SUGCT: variants seen among roughly 807,000 people sequenced by gnomAD.
SUGCT encodes the protein succinyl-CoA:glutarate-CoA transferase.
A neutral mutation model predicts 55.0 loss-of-function variants in SUGCT; 41 were observed. The ratio of observed to expected loss-of-function variants is 0.74; its 90% CI spans 0.58 to 0.97. SUGCT has a LOEUF of 0.97. Among genes scored for constraint, SUGCT ranks in the 50% least tolerant of loss-of-function variants. The pLI is 0.00. For missense variants in SUGCT, 568 were observed against 547.8 expected, an observed-to-expected ratio of 1.04 and a Z score of -0.37; for synonymous variants, 187 against 200.4, an observed-to-expected ratio of 0.93 and a Z score of 0.56.
chr7:40,366,985 A>G (rs1311041995), intron 9 of SUGCT, among the ~76,000 whole-genome samples: 1 of 152,210 alleles, frequency 6.6e-6, no homozygotes, highest in Admixed American at 6.5e-5. Flanking sequence ...TTGCGGCACT[A>G]TTCACAGTAG....
chr7:40,627,733 G>A (rs748277933), intron 12 of SUGCT, among the ~76,000 whole-genome samples: 12 of 152,158 alleles, frequency 7.9e-5, no homozygotes, highest in Non-Finnish European at 1.8e-4. Flanking sequence ...TTGTTACTTA[G>A]GCATGGAAAG....
chr7:40,998,140 G>A, the SUGCT span, among the ~76,000 whole-genome samples: 1 of 152,160 alleles, frequency 6.6e-6, no homozygotes, highest in African/African-American at 2.4e-5. Context: ...ACTGAGGTGG[G>A]CAGAACACCT....
chr7:40,744,300 A>G (rs967074579), intron 12 of SUGCT, among the ~76,000 whole-genome samples: 1 of 152,038 alleles, frequency 6.6e-6, no homozygotes, highest in Non-Finnish European at 1.5e-5. Context: ...CATCCCCTTC[A>G]AATACTTCCA....
the SUGCT span, among the ~76,000 whole-genome samples, chr7:40,885,378 G>GT: frequency 3.3e-5 from 5 of 152,016 alleles, no homozygotes; most frequent in South Asian, 2.1e-4. Context: ...TTTACAAATG[G>GT]AAAAAATAAA....
chr7:40,685,774 A>G (rs1196824704), intron 12 of SUGCT, among the ~76,000 whole-genome samples: 1 of 152,150 alleles, frequency 6.6e-6, no homozygotes, highest in East Asian at 1.9e-4. Flanking sequence ...CGCATGGCGC[A>G]TGCCTGTAAT....
chr7:40,685,328 C>T (rs373248236), intron 12 of SUGCT, among the ~76,000 whole-genome samples: 1 of 152,130 alleles, frequency 6.6e-6, no homozygotes, highest in African/African-American at 2.4e-5. Flanking sequence ...TAAAGATATT[C>T]CTCTTGGAGC....
chr7:40,723,908 T>C (rs1786477399), intron 12 of SUGCT, among the ~76,000 whole-genome samples: 1 of 152,228 alleles, frequency 6.6e-6, no homozygotes, highest in African/African-American at 2.4e-5. Flanking sequence ...TGGAAACTGC[T>C]GGTTGAATCA....
chr7:40,977,336 C>A, the SUGCT span, among the ~76,000 whole-genome samples: 5 of 152,226 alleles, frequency 3.3e-5, no homozygotes, highest in Non-Finnish European at 5.9e-5. Flanking sequence ...GTTGAAGGGA[C>A]AGGACAGAGC....
intron 13 of SUGCT, among the ~76,000 whole-genome samples, chr7:40,823,729 A>C (rs1792153076): frequency 6.6e-6 from 1 of 152,144 alleles, no homozygotes; most frequent in African/African-American, 2.4e-5. Flanking sequence ...GAAAAAAAGT[A>C]TTTGAAAAGA....
chr7:40,854,424 CTTTCTTT>C, intron 13 of SUGCT, among the ~76,000 whole-genome samples: 1 of 114,928 alleles, frequency 8.7e-6, no homozygotes, highest in African/African-American at 3.5e-5. Flanking sequence ...TCTTTCCTTT[CTTTCTTT>C]CTTTCTTTCT....
chr7:40,945,549 C>T, the SUGCT span, among the ~76,000 whole-genome samples: 1 of 152,188 alleles, frequency 6.6e-6, no homozygotes, highest in East Asian at 1.9e-4. Flanking sequence ...AGAAGAAGTC[C>T]TTTTCACCAA....
intron 11 of SUGCT, among the ~76,000 whole-genome samples, chr7:40,492,296 CT>C (rs1447996956): frequency 6.6e-6 from 1 of 151,704 alleles, no homozygotes; most frequent in African/African-American, 2.4e-5. Flanking sequence ...CAAATGGGAA[CT>C]TGTTTTTGTT....
At chr7:40,362,294 C>T (rs1394583665) in intron 9 of SUGCT, among the ~76,000 whole-genome samples, 1 of 152,074 alleles carries the variant, frequency 6.6e-6, no homozygotes, top group Non-Finnish European at 1.5e-5. Context: ...TGGCGCATGC[C>T]TCTAGTCCTA....
chr7:40,240,936 T>A (rs1205497379), intron 7 of SUGCT, among the ~76,000 whole-genome samples: 1 of 152,148 alleles, frequency 6.6e-6, no homozygotes, highest in Non-Finnish European at 1.5e-5. Context: ...GTATTGCATG[T>A]CATCTAGATG....
At position 40,314,559 on chromosome 7, in the gene SUGCT, C is replaced by CTTTTTTTTTTTT. The variant is rs1292941632; in HGVS notation, c.721-2190_721-2179dup. 1.2e-4 allele frequency among the ~76,000 whole-genome samples: 13 copies of CTTTTTTTTTTTT among 108,702 alleles called. 1 individual carries two copies. The highest frequency in any genetic ancestry group is 1.7e-4 in the African/African-American group (5 of 30,110). The allele number at this position is 108,702 out of a possible 152,430, so 71.3% of individuals were successfully genotyped here. On this transcript the variant is annotated intron_variant, in intron 8 of 13. Coordinates refer to ENST00000335693, the MANE Select transcript of SUGCT (RefSeq NM_001193313.2). ...ATAACTCCTATTGCATCCCTTGTGTCTTTTTTTTTTTTTTTTTTTTTTAAG... is the reference window on the plus strand; with the variant it reads ...ATAACTCCTATTGCATCCCTTGTGTCTTTTTTTTTTTTTTTTTTTTTTTTTTTTTTTTTTAAG...
chr7:40,575,749 C>A (rs187498197), intron 12 of SUGCT, among the ~76,000 whole-genome samples: 1 of 151,704 alleles, frequency 6.6e-6, no homozygotes, highest in Non-Finnish European at 1.5e-5. Flanking sequence ...AGTTCGAGAC[C>A]AGCCTGGCCA....
the SUGCT span, among the ~76,000 whole-genome samples, chr7:40,885,654 C>T: frequency 1.3e-5 from 2 of 152,168 alleles, no homozygotes; most frequent in Non-Finnish European, 2.9e-5. Flanking sequence ...TGGCCTTCTC[C>T]CAGAATGACT....
intron 12 of SUGCT, among the ~76,000 whole-genome samples, chr7:40,535,047 A>AT (rs1794289384): frequency 6.6e-6 from 1 of 152,186 alleles, no homozygotes; most frequent in South Asian, 2.1e-4. Context: ...ATTAAATATA[A>AT]TATCTTCATT....
At chr7:40,412,590 A>G (rs1231366857) in intron 9 of SUGCT, among the ~76,000 whole-genome samples, 4 of 152,160 alleles carry the variant, frequency 2.6e-5, no homozygotes, top group Non-Finnish European at 4.4e-5. Context: ...TTATTTATAT[A>G]TTGAATCTCC....
Sources: allele counts gnomAD v4.1 joint callset (sites outside exome capture counted in the v4.1 genomes callset), GRCh38; gene constraint gnomAD v4.1.1; transcripts MANE v1.5; gene names NCBI Gene and HGNC (gene_info 2026-07-23, HGNC 2026-07-21).